The following KIAA1217 variants were observed in gnomAD, a reference collection of about 807,000 sequenced individuals.
The protein encoded by KIAA1217 is sickle tail protein homolog.
In KIAA1217, 88 loss-of-function variants were observed where a neutral mutation model predicts 163.9. The observed-to-expected ratio is 0.54, with a 90% CI of 0.45 to 0.64. The LOEUF (loss-of-function observed/expected upper bound fraction) is 0.64, where lower values mean the gene tolerates loss of function less well. Ranked by LOEUF, KIAA1217 falls within the 30% of genes least tolerant of loss-of-function variation. The pLI, the probability that KIAA1217 is intolerant of heterozygous loss-of-function variation, is 0.00. For synonymous variants in KIAA1217, 903 were observed against 923.1 expected, an observed-to-expected ratio of 0.98 and a Z score of 0.39; for missense variants, 2,372 against 2,475.0, an observed-to-expected ratio of 0.96 and a Z score of 0.88.
chr10:23,784,169 C>T (rs1835384214), intron 1 of KIAA1217, among the ~76,000 whole-genome samples: 1 of 151,728 alleles, frequency 6.6e-6, no homozygotes, highest in Non-Finnish European at 1.5e-5. Context: ...TGAATTGACC[C>T]CTTTATCATT....
At chr10:24,469,781 T>C (rs543191081) in intron 5 of KIAA1217, among the ~76,000 whole-genome samples, 2 of 151,950 alleles carry the variant, frequency 1.3e-5, no homozygotes, top group African/African-American at 4.8e-5. Context: ...CCAGCTAATT[T>C]TTGTATTATT....
intron 5 of KIAA1217, among the ~76,000 whole-genome samples, chr10:24,443,626 G>A (rs1326692769): frequency 6.6e-6 from 1 of 152,058 alleles, no homozygotes; most frequent in Non-Finnish European, 1.5e-5. Flanking sequence ...ATAACAAAAT[G>A]TGGCCTGTGC....
upstream of KIAA1217, among the ~76,000 whole-genome samples, chr10:24,208,181 G>C (rs918831729): frequency 1.3e-4 from 20 of 149,546 alleles, no homozygotes; most frequent in Non-Finnish European, 2.8e-4. Flanking sequence ...AACTCTGCCA[G>C]TTTTTCAAGG....
rs1490946973 is a variant in KIAA1217, at chr10:24,211,580, GTATTGTATTGTATTT to G, written c.70+2322_70+2336del. Among the ~76,000 whole-genome samples the G allele has an allele frequency of 1.5e-4, 22 of 142,270 alleles. 1 individual carries two copies. The highest frequency in any genetic ancestry group is 4.1e-4 in the East Asian group (2 of 4,860). The allele number at this position is 142,270 out of a possible 152,430, so 93.3% of individuals were successfully genotyped here. ...GTATTGTATTGTATTGTATTGTATT[GTATTGTATTGTATTT>G]TATTTTATTTTAGAGAAGGGGTCTT... On this transcript the variant is annotated intron_variant, in intron 1 of 20. Transcript: ENST00000376454.
chr10:24,400,241 C>T (rs1343350126), intron 3 of KIAA1217, among the ~76,000 whole-genome samples: 1 of 152,172 alleles, frequency 6.6e-6, no homozygotes, highest in Non-Finnish European at 1.5e-5. Flanking sequence ...AGGGATGAAG[C>T]CTGGACTTAT....
intron 5 of KIAA1217, among the ~76,000 whole-genome samples, chr10:24,458,948 G>A (rs1193696187): frequency 2.0e-5 from 3 of 152,146 alleles, no homozygotes; most frequent in African/African-American, 4.8e-5. Flanking sequence ...TTCTCAAAGA[G>A]TATTCCCTGA....
intron 2 of KIAA1217, among the ~76,000 whole-genome samples, chr10:24,348,570 A>C (rs1003032304): frequency 7.9e-5 from 12 of 152,232 alleles, no homozygotes; most frequent in African/African-American, 2.9e-4. Context: ...GATAAAATTT[A>C]CCTAAAGATA....
In KIAA1217 at chr10:24,545,003, C is replaced by A; in HGVS notation, c.5234C>A (p.Thr1745Lys). ...CAGGGCTCCAGCGGGGCCCCACAGA[C>A]GAGCAGGATGCCTGTCCCCATGAGT... ...SRKGSSGAPQ[T>K]SRMPVPMSAK... The change falls in exon 20 of 21, where the codon ACG becomes AAG. Residue 1745 changes from threonine to lysine, a missense_variant. Physicochemically the swap from Thr to Lys is moderately conservative, Grantham distance 78 (BLOSUM62 -1). Transcript: ENST00000376454. 6.2e-7 allele frequency: 1 copy of A among 1,614,110 alleles called. No individual in the cohort carries two copies. Among genetic ancestry groups the A allele is most frequent in the Non-Finnish European group, 8.5e-7 (1 of 1,179,990 alleles).
At chr10:23,944,960 G>A (rs1843946660) in intron 1 of KIAA1217, among the ~76,000 whole-genome samples, 1 of 151,500 alleles carries the variant, frequency 6.6e-6, no homozygotes, top group Admixed American at 6.6e-5. Flanking sequence ...TCTGGAGGCT[G>A]AGACAGGAGA....
At chr10:24,341,299 G>A (rs564203047) in intron 2 of KIAA1217, among the ~76,000 whole-genome samples, 4 of 151,848 alleles carry the variant, frequency 2.6e-5, no homozygotes, top group African/African-American at 7.3e-5. Flanking sequence ...AGGCAAAGTC[G>A]TGATTAAATC....
intron 2 of KIAA1217, among the ~76,000 whole-genome samples, chr10:24,220,754 CTTTTTTTTTTT>C (rs58991505): frequency 7.3e-4 from 54 of 74,230 alleles, no homozygotes; most frequent in African/African-American, 3.2e-3. Context: ...GCACCCCGGC[CTTTTTTTTTTT>C]TTTTTTTTTT....
chr10:23,860,806 C>T (rs1412751036), intron 1 of KIAA1217, among the ~76,000 whole-genome samples: 1 of 151,646 alleles, frequency 6.6e-6, no homozygotes, highest in Non-Finnish European at 1.5e-5. Flanking sequence ...GCTCTCCATT[C>T]CTGTGTTATA....
intron 5 of KIAA1217, among the ~76,000 whole-genome samples, chr10:24,472,902 G>A (rs984922074): frequency 2.0e-5 from 3 of 152,014 alleles, no homozygotes; most frequent in South Asian, 2.1e-4. Flanking sequence ...TTGGCTCATG[G>A]CCCCTTCTCA....
At chr10:24,150,307 G>GCCTA (rs1169063549) in intron 2 of KIAA1217, among the ~76,000 whole-genome samples, 2 of 152,190 alleles carry the variant, frequency 1.3e-5, no homozygotes, top group Non-Finnish European at 2.9e-5. Flanking sequence ...GAGCCACTGT[G>GCCTA]CCTAGCTTGT....
chr10:24,166,784 A>C (rs1384958999), intron 2 of KIAA1217, among the ~76,000 whole-genome samples: 3 of 152,218 alleles, frequency 2.0e-5, no homozygotes, highest in Admixed American at 6.5e-5. Context: ...TGTTCCTAGC[A>C]TATAGAAAGC....
At chr10:24,107,469 C>T (rs557673902) in intron 2 of KIAA1217, among the ~76,000 whole-genome samples, 150 of 152,298 alleles carry the variant, frequency 9.8e-4, no homozygotes, top group African/African-American at 3.4e-3. Flanking sequence ...AACTGCTTTC[C>T]ACAGTGGCTA....
At chr10:23,708,754 T>C (rs1267655326) in intron 1 of KIAA1217, among the ~76,000 whole-genome samples, 1 of 151,984 alleles carries the variant, frequency 6.6e-6, no homozygotes, top group African/African-American at 2.4e-5. Context: ...TATGAGGCGT[T>C]TTAAAGGGGG....
rs74906101 is a variant in KIAA1217, at chr10:23,723,084, C to G, written c.-321+27850C>G. On this transcript the variant is annotated intron_variant, in intron 1 of 18. Coordinates refer to the KIAA1217 transcript ENST00000376462. ...GTCACATCCATTCTTTGACCAGTCA[C>G]TGGCCAGCAGAAAGTAATGAACTAA... Among the ~76,000 whole-genome samples, 178 of 152,320 alleles carry G rather than the reference C, an allele frequency of 1.2e-3. 13 individuals are homozygous for G. The East Asian group carries it at 0.027, about 23-fold the overall frequency.
rs755705172 is a variant in KIAA1217 at position 24,219,762 on chromosome 10, A to AG, written c.213dup (p.Pro72AlafsTer14). 4.3e-6 allele frequency: 7 copies of AG among 1,613,788 alleles called. No individual in the cohort carries two copies. Among genetic ancestry groups the AG allele is most frequent in the Non-Finnish European group, 3.4e-6 (4 of 1,179,820 alleles). ...GCAATATCCCAAGGAGACACACCCT[A>AG]GGGGGGCCCCGAAGTTCCAAGGAAA... On this transcript the variant is annotated frameshift_variant, in exon 2 of 21. Transcript: ENST00000376454. LOFTEE classifies it high-confidence loss of function.
Sources: allele counts gnomAD v4.1 joint callset (sites outside exome capture counted in the v4.1 genomes callset), GRCh38; gene constraint gnomAD v4.1.1; transcripts MANE v1.5; gene names NCBI Gene and HGNC (gene_info 2026-07-23, HGNC 2026-07-21).